Variants in ACAP2 observed in about 807,000 individuals in gnomAD.
ACAP2 encodes arf-GAP with coiled-coil, ANK repeat and PH domain-containing protein 2.
ACAP2 carries 39 observed loss-of-function variants against 115.8 expected under a neutral mutation model. The observed-to-expected ratio is 0.34, with a 90% confidence interval of 0.26 to 0.44. The LOEUF (loss-of-function observed/expected upper bound fraction) is 0.44. Ranked by LOEUF, ACAP2 falls within the 20% of genes least tolerant of loss-of-function variation. The pLI is 1.00. For missense variants in ACAP2, 662 were observed against 927.6 expected, an observed-to-expected ratio of 0.71 and a Z score of 3.72; for synonymous variants, 289 against 315.8, an observed-to-expected ratio of 0.92 and a Z score of 0.90.
At chr3:195,317,559 G>A (rs574434192) in intron 10 of ACAP2, among the ~76,000 whole-genome samples, 1 of 152,176 alleles carries the variant, frequency 6.6e-6, no homozygotes, top group East Asian at 1.9e-4. Context: ...ATGATCCTGC[G>A]ACAACCAATC....
At chr3:195,366,401 A>T (rs1468283552) in intron 4 of ACAP2, among the ~76,000 whole-genome samples, 2 of 152,190 alleles carry the variant, frequency 1.3e-5, no homozygotes, top group African/African-American at 4.8e-5. Context: ...AACTTGGGCA[A>T]CTTTTAAATA....
intron 2 of ACAP2, among the ~76,000 whole-genome samples, chr3:195,385,546 G>C (rs1247789151): frequency 2.0e-5 from 3 of 151,818 alleles, no homozygotes; most frequent in Non-Finnish European, 2.9e-5. Flanking sequence ...AACTAAAATG[G>C]TAAGAACAGA....
intron 4 of ACAP2, among the ~76,000 whole-genome samples, chr3:195,375,237 T>C (rs1733445383): frequency 2.0e-5 from 3 of 152,078 alleles, no homozygotes; most frequent in South Asian, 4.1e-4. Flanking sequence ...GGACATGTTA[T>C]ACACATTCAA....
At chr3:195,371,025 A>G (rs1733100512) in intron 4 of ACAP2, among the ~76,000 whole-genome samples, 1 of 150,512 alleles carries the variant, frequency 6.6e-6, no homozygotes, top group Non-Finnish European at 1.5e-5. Flanking sequence ...CTTTTTGCTT[A>G]GGATTACTTT....
intron 8 of ACAP2, among the ~76,000 whole-genome samples, chr3:195,328,635 C>T (rs1484430825): frequency 1.3e-5 from 2 of 152,162 alleles, no homozygotes; most frequent in Admixed American, 6.5e-5. Context: ...GGTTTTATGG[C>T]TCTGAGTGGC....
At chr3:195,410,344 A>G (rs1278475765) in intron 1 of ACAP2, among the ~76,000 whole-genome samples, 1 of 152,240 alleles carries the variant, frequency 6.6e-6, no homozygotes, top group Non-Finnish European at 1.5e-5. Context: ...TAAAAGCTTT[A>G]TGACACTGAA....
chr3:195,337,898 G>A (rs558268850), intron 6 of ACAP2, among the ~76,000 whole-genome samples: 3 of 143,314 alleles, frequency 2.1e-5, no homozygotes, highest in Non-Finnish European at 4.6e-5. Flanking sequence ...TCTGTACTCC[G>A]ACCTGAGCCC....
At chr3:195,438,835 G>A (rs1383152978) in intron 1 of ACAP2, among the ~76,000 whole-genome samples, 3 of 152,146 alleles carry the variant, frequency 2.0e-5, no homozygotes, top group Non-Finnish European at 2.9e-5. Context: ...TGAGGCGGGC[G>A]GATCACCTGA....
chr3:195,312,653 AT>A, intron 10 of ACAP2, among the ~76,000 whole-genome samples: 1 of 152,082 alleles, frequency 6.6e-6, no homozygotes, highest in East Asian at 1.9e-4. Flanking sequence ...TTTCAAAAAA[AT>A]AAGATATGTT....
In ACAP2 at chr3:195,333,136, A is replaced by C; in HGVS notation, c.574-13T>G. The stretch of plus-strand genomic sequence containing the variant: ...TAAATGACAACATCTAATAGGGAAA[A>C]AAAGATGACCATTTTAAAATCTATT... On this transcript the variant is annotated splice_polypyrimidine_tract_variant and intron_variant, in intron 7 of 22. Transcript: ENST00000326793. The C allele has an allele frequency of 6.9e-6, 10 of 1,441,376 alleles. No homozygotes were observed. Among genetic ancestry groups the C allele is most frequent in the Non-Finnish European group, 9.6e-6 (10 of 1,042,704 alleles). The allele number at this position is 1,441,376 out of a possible 1,614,324, so 89.3% of individuals were successfully genotyped here. A position where few individuals can be genotyped will look rare whatever the true frequency, so the allele number is the denominator to read the frequency against.
At chr3:195,351,441 C>CGTGTGTGTGTGTGTGTGT (rs56049053) in intron 4 of ACAP2, among the ~76,000 whole-genome samples, 1 of 129,946 alleles carries the variant, frequency 7.7e-6, no homozygotes, top group African/African-American at 3.0e-5. Flanking sequence ...TTTTCTTTTT[C>CGTGTGTGTGTGTGTGTGT]GTGTGTGTGT....
At chr3:195,382,988 T>A (rs1054956320) in intron 2 of ACAP2, among the ~76,000 whole-genome samples, 2 of 152,090 alleles carry the variant, frequency 1.3e-5, no homozygotes, top group Middle Eastern at 6.8e-3. Flanking sequence ...TTTTGATTTA[T>A]CAATGTGCAT....
chr3:195,295,358 G>GA (rs1182413113), intron 17 of ACAP2: 4 of 1,085,458 alleles, frequency 3.7e-6, no homozygotes, highest in African/African-American at 1.6e-5. Context: ...AAAAGGGCAG[G>GA]AAAAAACGTT....
At chr3:195,399,357 G>C (rs568781879) in intron 1 of ACAP2, among the ~76,000 whole-genome samples, 1 of 152,172 alleles carries the variant, frequency 6.6e-6, no homozygotes, top group East Asian at 1.9e-4. Flanking sequence ...TTTTTGTAGA[G>C]ACAGGATCTC....
chr3:195,390,936 A>G (rs183996879), intron 2 of ACAP2, among the ~76,000 whole-genome samples: 15 of 152,324 alleles, frequency 9.8e-5, no homozygotes, highest in Admixed American at 9.8e-4. Flanking sequence ...TCTGCCTACT[A>G]TATAGCAAAC....
intron 10 of ACAP2, 129 bp downstream of exon 10, chr3:195,320,572 G>A: frequency 3.6e-6 from 2 of 552,600 alleles, no homozygotes; most frequent in Admixed American, 3.0e-5. Flanking sequence ...TCAATAGACT[G>A]GGTTCAGGAA....
At chr3:195,317,036 T>A (rs932125482) in intron 10 of ACAP2, among the ~76,000 whole-genome samples, 2 of 151,190 alleles carry the variant, frequency 1.3e-5, no homozygotes, top group African/African-American at 4.9e-5. Flanking sequence ...TAGCTGGGAT[T>A]ATAGGCATAC....
At chr3:195,441,897 G>C (rs552164364) in intron 1 of ACAP2, 4 of 152,226 alleles carry the variant, frequency 2.6e-5, no homozygotes, top group Non-Finnish European at 5.9e-5. Flanking sequence ...TAGAAAGAAG[G>C]GCAACCCATG....
At chr3:195,410,889 CCCTTCCA>C (rs903539954) in intron 1 of ACAP2, 15 of 226,622 alleles carry the variant, frequency 6.6e-5, no homozygotes, top group African/African-American at 3.1e-4. Context: ...CCCTTTTTTG[CCCTTCCA>C]CCTTCTGCCA....
Sources: gnomAD v4.1 joint callset for allele counts (sites outside exome capture counted in the v4.1 genomes callset) on GRCh38, gnomAD v4.1.1 for gene constraint, MANE v1.5 for transcripts, NCBI Gene and HGNC (gene_info 2026-07-23, HGNC 2026-07-21) for gene names.